CDK14: variants seen among roughly 807,000 people sequenced by gnomAD.
The protein encoded by CDK14 is cyclin-dependent kinase 14.
Under a neutral mutation model 60.7 loss-of-function variants are expected in CDK14, and 34 were observed. The ratio of observed to expected loss-of-function variants is 0.56; its 90% CI spans 0.43 to 0.75. The LOEUF (loss-of-function observed/expected upper bound fraction) is 0.75. Ranked by LOEUF, CDK14 falls within the 30% of genes least tolerant of loss-of-function variation. CDK14 has a pLI of 0.00. For synonymous variants in CDK14, 197 were observed against 203.7 expected (o/e 0.97, Z 0.28); for missense variants, 482 against 564.1 (o/e 0.85, Z 1.47).
chr7:90,961,797 A>T (rs558232255), intron 9 of CDK14, among the ~76,000 whole-genome samples: 1 of 152,340 alleles, frequency 6.6e-6, no homozygotes, highest in South Asian at 2.1e-4. Flanking sequence ...CACTCTCACT[A>T]CGGAAGTCCC....
chr7:91,111,022 C>G (rs1404490408), intron 12 of CDK14, among the ~76,000 whole-genome samples: 1 of 152,084 alleles, frequency 6.6e-6, no homozygotes, highest in Non-Finnish European at 1.5e-5. Flanking sequence ...GCTTTCGTTC[C>G]CTGTGGACAA....
At chr7:90,607,867 A>G (rs969501957) in intron 2 of CDK14, among the ~76,000 whole-genome samples, 2 of 152,206 alleles carry the variant, frequency 1.3e-5, no homozygotes, top group Admixed American at 1.3e-4. Flanking sequence ...ACTTGGATGG[A>G]CTAATCATTT....
rs572986814 is a variant in CDK14 at position 91,164,327 on chromosome 7, A to G, written c.*29-42838A>G. On this transcript the variant is annotated intron_variant, in intron 14 of 14. Transcript: ENST00000380050. ...AATAATTAATATTTATATAGTGCCTATATGCCAGGCCCTATTAAAGTCCTG... is the reference window on the plus strand; with the variant it reads ...AATAATTAATATTTATATAGTGCCTGTATGCCAGGCCCTATTAAAGTCCTG... Among the ~76,000 whole-genome samples the G allele has an allele frequency of 1.2e-4, 18 of 152,354 alleles. No homozygotes were observed. In the South Asian group the frequency reaches 1.9e-3, roughly 16 times the overall value.
chr7:90,953,910 C>T (rs1334799579), intron 8 of CDK14, among the ~76,000 whole-genome samples: 1 of 152,086 alleles, frequency 6.6e-6, no homozygotes. Flanking sequence ...CTTGATTGTC[C>T]TATCTATTGT....
intron 5 of CDK14, among the ~76,000 whole-genome samples, chr7:90,805,658 C>T (rs940465126): frequency 1.3e-5 from 2 of 151,812 alleles, no homozygotes; most frequent in Admixed American, 1.3e-4. Context: ...AAAAGATGTA[C>T]CTTGTTTATG....
At chr7:90,692,580 C>T (rs1255868172) in intron 2 of CDK14, 1 of 475,344 alleles carries the variant, frequency 2.1e-6, no homozygotes, top group Non-Finnish European at 2.7e-6. Context: ...CAGCTGTCAG[C>T]AGACTAATGA....
At chr7:91,059,425 G>C (rs1179526393) in intron 11 of CDK14, among the ~76,000 whole-genome samples, 1 of 152,054 alleles carries the variant, frequency 6.6e-6, no homozygotes, top group Non-Finnish European at 1.5e-5. Flanking sequence ...TCTGATCTTA[G>C]TTATTTCTTG....
At chr7:90,810,722 G>A (rs1276128339) in intron 5 of CDK14, among the ~76,000 whole-genome samples, 12 of 151,868 alleles carry the variant, frequency 7.9e-5, no homozygotes, top group East Asian at 3.9e-4. Context: ...AAACCCCATC[G>A]TCTCAGCCCA....
chr7:90,726,660 G>C lies in CDK14; in HGVS notation c.217G>C (p.Val73Leu), dbSNP rs879151175. The part of the protein sequence containing the change: ...DTIPEDKKVR[V>L]QRTQSTFDPF... ...AATTCCTGAGGATAAAAAAGTCAGA[G>C]TTCAGAGGACACAGAGCACTTTTGA... is the stretch of plus-strand genomic sequence containing the variant. The change falls in exon 3 of 15, where the codon GTT becomes CTT. Residue 73 changes from valine (V) to leucine (L), a missense_variant. By Grantham distance (32) the Val-to-Leu change is conservative. Transcript: ENST00000380050. 6.2e-7 allele frequency: 1 copy of C among 1,613,854 alleles called. No individual in the cohort carries two copies. The highest frequency in any genetic ancestry group is 1.7e-4 in the Middle Eastern group (1 of 6,060).
At chr7:90,656,540 C>T (rs2188145) in intron 2 of CDK14, among the ~76,000 whole-genome samples, 116,044 of 151,928 alleles carry the variant, frequency 0.76, 44,945 homozygotes, top group East Asian at 0.96. Context: ...CCACCATGCC[C>T]GGCTAATTTT....
chr7:90,685,650 T>A (rs1489510042), intron 2 of CDK14, among the ~76,000 whole-genome samples: 1 of 7,292 alleles, frequency 1.4e-4, no homozygotes, highest in Non-Finnish European at 2.4e-4. Context: ...AGCCAATTAA[T>A]TTTTTTTTTT....
chr7:90,641,628 G>A (rs1800336040), intron 2 of CDK14, among the ~76,000 whole-genome samples: 1 of 152,008 alleles, frequency 6.6e-6, no homozygotes, highest in South Asian at 2.1e-4. Flanking sequence ...GGTGGAAGTA[G>A]TGGTGGGGAG....
intron 6 of CDK14, among the ~76,000 whole-genome samples, 172 bp from the exon 7 acceptor site, chr7:90,899,119 G>C (rs1023569274): frequency 2.0e-5 from 3 of 151,798 alleles, no homozygotes; most frequent in Non-Finnish European, 2.9e-5. Flanking sequence ...TGATTCAATT[G>C]TGTTTAAAAT....
chr7:90,743,594 C>T (rs571230779), intron 3 of CDK14, among the ~76,000 whole-genome samples: 2 of 152,158 alleles, frequency 1.3e-5, no homozygotes, highest in Non-Finnish European at 2.9e-5. Flanking sequence ...GTAGTGTATG[C>T]TTGTCTTTCA....
intron 4 of CDK14, among the ~76,000 whole-genome samples, chr7:90,770,795 G>A (rs768873969): frequency 3.9e-5 from 6 of 152,128 alleles, no homozygotes; most frequent in Non-Finnish European, 7.3e-5. Flanking sequence ...CCATCTTCAA[G>A]GTTTAACTCA....
chr7:90,678,890 G>A (rs1288575814), intron 2 of CDK14, among the ~76,000 whole-genome samples: 2 of 152,188 alleles, frequency 1.3e-5, no homozygotes, highest in African/African-American at 4.8e-5. Flanking sequence ...CCTTAAATCA[G>A]TAGCCTACAA....
intron 10 of CDK14, among the ~76,000 whole-genome samples, chr7:91,028,216 G>A (rs1045599111): frequency 1.3e-5 from 2 of 151,458 alleles, no homozygotes; most frequent in African/African-American, 4.9e-5. Context: ...TTGCTGCACT[G>A]CAAGACATTA....
At chr7:91,135,990 T>C (rs1800268450) in intron 14 of CDK14, among the ~76,000 whole-genome samples, 1 of 152,102 alleles carries the variant, frequency 6.6e-6, no homozygotes, top group Non-Finnish European at 1.5e-5. Flanking sequence ...GAAGAGACCT[T>C]TGTGTACTTC....
At chr7:91,084,418 A>T (rs1798571975) in intron 12 of CDK14, among the ~76,000 whole-genome samples, 1 of 152,164 alleles carries the variant, frequency 6.6e-6, no homozygotes, top group South Asian at 2.1e-4. Flanking sequence ...TCTCCTGCCC[A>T]CTGCTGGGTA....
Sources: gnomAD v4.1 joint callset for allele counts (sites outside exome capture counted in the v4.1 genomes callset) on GRCh38, gnomAD v4.1.1 for gene constraint, MANE v1.5 for transcripts, NCBI Gene and HGNC (gene_info 2026-07-23, HGNC 2026-07-21) for gene names.